Variants in GFRA1 observed in about 807,000 individuals in gnomAD.
The protein encoded by GFRA1 is GDNF family receptor alpha 1, also known as GDNF family receptor alpha-1.
A neutral mutation model predicts 51.6 loss-of-function variants in GFRA1; 16 were observed. That is an observed-to-expected ratio of 0.31 (90% CI 0.21 to 0.47). The LOEUF is 0.47. GFRA1 is among the 20% of genes least tolerant of loss of function. GFRA1 has a pLI of 1.00. For missense variants in GFRA1, 530 were observed against 594.3 expected (o/e 0.89, Z 1.13); for synonymous variants, 270 against 241.3 (o/e 1.12, Z -1.10).
intron 5 of GFRA1, among the ~76,000 whole-genome samples, chr10:116,144,912 G>T (rs946924094): frequency 6.6e-6 from 1 of 151,916 alleles, no homozygotes; most frequent in Non-Finnish European, 1.5e-5. Flanking sequence ...ACTTTGGGAG[G>T]CTGAGGAGGG....
chr10:116,204,747 A>AT (rs1479762880), intron 5 of GFRA1, among the ~76,000 whole-genome samples: 5 of 152,222 alleles, frequency 3.3e-5, no homozygotes, highest in Admixed American at 6.5e-5. Context: ...AATACCTATG[A>AT]GTTCATATTG....
chr10:116,118,933 T>A (rs1464390173), intron 6 of GFRA1, among the ~76,000 whole-genome samples: 2 of 152,056 alleles, frequency 1.3e-5, no homozygotes, highest in Non-Finnish European at 2.9e-5. Context: ...AGGGACAGGC[T>A]CCAGCAGGGG....
intron 9 of GFRA1, 149 bp from the exon 10 acceptor site, chr10:116,065,775 G>C (rs1955078362): frequency 9.1e-6 from 6 of 657,964 alleles, no homozygotes; most frequent in Non-Finnish European, 1.6e-5. Context: ...TTTTCTAGTA[G>C]CCATGTAATA....
rs146910396 is a variant in GFRA1 at position 116,118,235 on chromosome 10, C to T, written c.770+6986G>A. ...CCTGTCCTGTTCTTGTGGGACTCTG[C>T]GCTCATCGCTTCTCATGGGTCAACT... On this transcript the variant is annotated intron_variant, in intron 6 of 10. Transcript: ENST00000355422. 3.5e-3 allele frequency among the ~76,000 whole-genome samples: 526 copies of T among 152,294 alleles called. 3 individuals are homozygous for T. Among genetic ancestry groups the T allele is most frequent in the African/African-American group, 0.012 (511 of 41,558 alleles).
At position 116,249,900 on chromosome 10, in the gene GFRA1, G is replaced by A. The variant is rs1968181666; in HGVS notation, c.418+19603C>T. On this transcript the variant is annotated intron_variant, in intron 4 of 10. Transcript: ENST00000355422. ...AGCTGAGGATAGTGGTAGGGTCTGTGCAGATAACGAAACAGGAAATGTAAT... is the reference window on the plus strand; with the variant it reads ...AGCTGAGGATAGTGGTAGGGTCTGTACAGATAACGAAACAGGAAATGTAAT... Among the ~76,000 whole-genome samples, 4 of 152,164 alleles carry A rather than the reference G, an allele frequency of 2.6e-5. No individual in the cohort carries two copies. The South Asian group carries it at 8.3e-4, about 32-fold the overall frequency.
intron 5 of GFRA1, among the ~76,000 whole-genome samples, chr10:116,194,642 T>A (rs1303123987): frequency 6.6e-6 from 1 of 151,054 alleles, no homozygotes; most frequent in Non-Finnish European, 1.5e-5. Context: ...TGAGCAACTT[T>A]AATTTTTTTT....
chr10:116,203,932 T>A (rs745721523), intron 5 of GFRA1, among the ~76,000 whole-genome samples: 3 of 152,244 alleles, frequency 2.0e-5, no homozygotes, highest in African/African-American at 7.2e-5. Flanking sequence ...CTGCTCTAGA[T>A]AAGGCAAACC....
At chr10:116,257,440 T>C (rs1968958303) in intron 4 of GFRA1, among the ~76,000 whole-genome samples, 1 of 152,126 alleles carries the variant, frequency 6.6e-6, no homozygotes, top group African/African-American at 2.4e-5. Context: ...TTGTGCATGC[T>C]TTCTCCTCAA....
At chr10:116,189,265 C>T (rs947512833) in intron 5 of GFRA1, among the ~76,000 whole-genome samples, 14 of 152,284 alleles carry the variant, frequency 9.2e-5, no homozygotes, top group African/African-American at 3.4e-4. Flanking sequence ...TATCAGGTGG[C>T]ACCTAATGCC....
intron 5 of GFRA1, among the ~76,000 whole-genome samples, chr10:116,172,771 C>G (rs75814849): frequency 6.6e-6 from 1 of 152,150 alleles, no homozygotes; most frequent in Admixed American, 6.5e-5. Flanking sequence ...CTTATCCTCA[C>G]TGAGTGGGGC....
chr10:116,200,735 G>A (rs779166528), intron 5 of GFRA1, among the ~76,000 whole-genome samples: 4 of 152,146 alleles, frequency 2.6e-5, no homozygotes, highest in Non-Finnish European at 4.4e-5. Context: ...TTATAAGGGT[G>A]CTAATCCCAT....
rs73363891 is a variant in GFRA1 at position 116,081,813 on chromosome 10, G to A, written c.1197+7928C>T. On this transcript the variant is annotated intron_variant, in intron 9 of 10. Transcript: ENST00000355422. ...TATACGACATCATTTTAGGTAGCAC[G>A]CAAACTTTTTTATGGTTTTAATTTT... Among the ~76,000 whole-genome samples the A allele has an allele frequency of 3.9e-3, 589 of 152,208 alleles. 6 individuals carry two copies. Among genetic ancestry groups the A allele is most frequent in the African/African-American group, 0.013 (554 of 41,520 alleles).
At chr10:116,181,064 G>A (rs1193012429) in intron 5 of GFRA1, among the ~76,000 whole-genome samples, 2 of 152,162 alleles carry the variant, frequency 1.3e-5, no homozygotes, top group Non-Finnish European at 2.9e-5. Context: ...CTCTTGAGGT[G>A]GATGACAATA....
At chr10:116,098,274 G>A (rs922019761) in intron 6 of GFRA1, among the ~76,000 whole-genome samples, 1 of 152,228 alleles carries the variant, frequency 6.6e-6, no homozygotes, top group Admixed American at 6.5e-5. Context: ...TGCGAATGTG[G>A]CTGGGGTGTG....
chr10:116,273,923 TCACACG>T (rs1181806243), upstream of GFRA1, among the ~76,000 whole-genome samples: 71 of 152,072 alleles, frequency 4.7e-4, no homozygotes, highest in African/African-American at 1.5e-3. Flanking sequence ...ACACTCACAC[TCACACG>T]CACACATGCA....
chr10:116,064,079 GATCATCATCATGATCATC>G lies in GFRA1; in HGVS notation c.*301_*318del, dbSNP rs1453895630. 8.2e-6 allele frequency: 1 copy of G among 121,988 alleles called. No homozygotes were observed. The highest frequency in any genetic ancestry group is 1.4e-5 in the Non-Finnish European group (1 of 73,432). The allele number at this position is 121,988 out of a possible 1,614,324, so 7.6% of individuals were successfully genotyped here. On this transcript the variant is annotated 3_prime_UTR_variant, in exon 11 of 11. Transcript: ENST00000355422. ...TGATGATCATCATCATGATCATGAT[GATCATCATCATGATCATC>G]ATCATCATCGAAAACACAGCCCCAG...
chr10:116,117,557 GTGGATGGATGGATGGATGGATGGA>G (rs75233028), intron 6 of GFRA1, among the ~76,000 whole-genome samples: 1 of 97,348 alleles, frequency 1.0e-5, no homozygotes, highest in African/African-American at 4.2e-5. Context: ...GGGTGGGTGT[GTGGATGGATGGATGGATGGATGGA>G]TGGATGGATG....
chr10:116,214,701 G>A (rs894896748), intron 4 of GFRA1, among the ~76,000 whole-genome samples: 5 of 152,178 alleles, frequency 3.3e-5, no homozygotes, highest in Non-Finnish European at 7.3e-5. Context: ...TTTGAAATAC[G>A]GATTCAGTCT....
At chr10:116,166,791 TTTTTTTTTTTTTTTTTTTTTTTTG>T (rs1476573893) in intron 5 of GFRA1, among the ~76,000 whole-genome samples, 1 of 67,022 alleles carries the variant, frequency 1.5e-5, no homozygotes, top group Non-Finnish European at 3.0e-5. Context: ...TTTTTTTTTT[TTTTTTTTTTTTTTTTTTTTTTTTG>T]TTGAGACGGA....
Sources: gnomAD v4.1 joint callset for allele counts (sites outside exome capture counted in the v4.1 genomes callset) on GRCh38, gnomAD v4.1.1 for gene constraint, MANE v1.5 for transcripts, NCBI Gene and HGNC (gene_info 2026-07-23, HGNC 2026-07-21) for gene names.